The following ZBBX variants were observed in gnomAD, a reference collection of about 807,000 sequenced individuals.
ZBBX encodes the protein zinc finger B-box domain-containing protein 1.
In ZBBX, 101 loss-of-function variants were observed where a neutral mutation model predicts 108.5. The observed-to-expected ratio is 0.93, with a 90% CI of 0.79 to 1.10. The LOEUF (loss-of-function observed/expected upper bound fraction) is 1.10, where lower values mean the gene tolerates loss of function less well. Among genes scored for constraint, ZBBX ranks in the 50% least tolerant of loss-of-function variants. ZBBX has a pLI of 0.00. For missense variants in ZBBX, 1,009 were observed against 941.4 expected (o/e 1.07, Z -0.94); for synonymous variants, 356 against 323.4 (o/e 1.10, Z -1.08).
chr3:167,220,537 C>T, the ZBBX span, among the ~76,000 whole-genome samples: 1 of 151,912 alleles, frequency 6.6e-6, no homozygotes, highest in Non-Finnish European at 1.5e-5. Flanking sequence ...ATTCAACATC[C>T]CATTATGATG....
chr3:167,295,758 TA>T (rs60203051), intron 18 of ZBBX, among the ~76,000 whole-genome samples: 2 of 9,174 alleles, frequency 2.2e-4, no homozygotes, highest in African/African-American at 5.4e-4. Context: ...TATATATATA[TA>T]AAAAAAACTA....
At chr3:167,323,987 TA>T (rs1468769284) in intron 11 of ZBBX, among the ~76,000 whole-genome samples, 17 of 152,172 alleles carry the variant, frequency 1.1e-4, no homozygotes, top group African/African-American at 2.6e-4. Context: ...ACTAGAAAAC[TA>T]GAAATTTAAA....
Position 167,242,512 on chromosome 3 carries a change from C to T in ZBBX, c.2386G>A (p.Glu796Lys), listed in dbSNP as rs200202224. 24 of 1,600,560 alleles carry T rather than the reference C, an allele frequency of 1.5e-5. No homozygotes were observed. The African/African-American group carries it at 3.0e-4, about 20-fold the overall frequency. The change falls in exon 21 of 22, where the codon GAA (glutamate) becomes AAA (lysine). Residue 796 changes from glutamate to lysine, a missense_variant. By Grantham distance (56) the Glu-to-Lys change is moderately conservative. Transcript: ENST00000675490. ...SHVRGPCGVE[E>K]LSCSGRDTKI... ...ACTGCAGGCTTAACTTACCTCAATT[C>T]CTCAACTCCACAGGGACCCCTCACA...
intron 6 of ZBBX, among the ~76,000 whole-genome samples, chr3:167,361,948 T>A (rs1744587975): frequency 6.6e-6 from 1 of 152,174 alleles, no homozygotes; most frequent in Admixed American, 6.6e-5. Context: ...AATAATATTG[T>A]TCTGCTCTAT....
intron 1 of ZBBX, among the ~76,000 whole-genome samples, chr3:167,395,937 A>G (rs1006485044): frequency 5.3e-5 from 8 of 151,940 alleles, no homozygotes; most frequent in African/African-American, 1.9e-4. Context: ...CCTGGAGTCT[A>G]CTTTAAGGCT....
chr3:167,361,174 C>A (rs1744446429), intron 6 of ZBBX, among the ~76,000 whole-genome samples: 1 of 151,734 alleles, frequency 6.6e-6, no homozygotes, highest in Non-Finnish European at 1.5e-5. Flanking sequence ...TTTTATTTGC[C>A]CAATTTAGAG....
intron 11 of ZBBX, among the ~76,000 whole-genome samples, chr3:167,326,042 C>T (rs1737325922): frequency 6.6e-6 from 1 of 152,080 alleles, no homozygotes; most frequent in Non-Finnish European, 1.5e-5. Context: ...GGCAACATTT[C>T]TATATTTAGA....
At chr3:167,192,855 A>C in the ZBBX span, among the ~76,000 whole-genome samples, 1 of 152,178 alleles carries the variant, frequency 6.6e-6, no homozygotes, top group African/African-American at 2.4e-5. Flanking sequence ...ATTTCTTTGG[A>C]AAATGTTTGA....
rs779310485 is a variant in ZBBX at position 167,305,630 on chromosome 3, A to G, written c.1725+13T>C. 4 of 1,511,632 alleles carry G rather than the reference A, an allele frequency of 2.6e-6. No homozygotes were observed. In the Admixed American group the frequency reaches 6.9e-5, roughly 26 times the overall value. 93.6% of individuals were successfully genotyped at this position (1,511,632 alleles called of 1,614,324 possible). A position where few individuals can be genotyped will look rare whatever the true frequency, so the allele number is the denominator to read the frequency against. The stretch of plus-strand genomic sequence containing the variant: ...TATAAAATTTTAATATAATAAACAT[A>G]ATAGAGATTTACCAGTGATGACTTT... On this transcript the variant is annotated intron_variant, in intron 17 of 21. Transcript: ENST00000675490.
chr3:167,249,277 T>G (rs1416850636), intron 20 of ZBBX, among the ~76,000 whole-genome samples: 1 of 152,240 alleles, frequency 6.6e-6, no homozygotes, highest in Admixed American at 6.5e-5. Context: ...GCCCCATAAG[T>G]GTAGGCTTTC....
chr3:167,366,787 G>A (rs1430034261), intron 5 of ZBBX: 2 of 454,946 alleles, frequency 4.4e-6, no homozygotes, highest in South Asian at 3.1e-5. Context: ...CACTATCAGG[G>A]CTGATTCCAG....
chr3:167,394,931 T>G (rs906155401), intron 1 of ZBBX, among the ~76,000 whole-genome samples: 1 of 152,028 alleles, frequency 6.6e-6, no homozygotes, highest in Non-Finnish European at 1.5e-5. Context: ...AAGGACAAAT[T>G]AGATGAGTAA....
In ZBBX at chr3:167,346,797, CA is replaced by C. The variant is rs553581193; in HGVS notation, c.528+3622del. 9.0e-4 allele frequency among the ~76,000 whole-genome samples: 137 copies of C among 151,690 alleles called. 1 individual carries two copies. Among genetic ancestry groups the C allele is most frequent in the African/African-American group, 3.3e-3 (137 of 41,396 alleles). On this transcript the variant is annotated intron_variant, in intron 9 of 21. Coordinates refer to ENST00000675490, the MANE Select transcript of ZBBX (RefSeq NM_001199201.2). ...CAAAGCCAAAGCACAACAACAACAACAAAAACTTTATGCATAGGAAAATGAT... is the reference window on the plus strand; with the variant it reads ...CAAAGCCAAAGCACAACAACAACAACAAAACTTTATGCATAGGAAAATGAT...
chr3:167,193,973 A>G, the ZBBX span, among the ~76,000 whole-genome samples: 4 of 152,178 alleles, frequency 2.6e-5, 1 homozygote, highest in African/African-American at 9.6e-5. Flanking sequence ...AGAAGTTAGA[A>G]AGGTTGGGGG....
chr3:167,275,757 C>T (rs1246699445), intron 20 of ZBBX, among the ~76,000 whole-genome samples: 1 of 152,200 alleles, frequency 6.6e-6, no homozygotes, highest in Admixed American at 6.5e-5. Context: ...CCCAGAAGCT[C>T]GAACTGGGTG....
At chr3:167,330,764 G>A (rs906637051) in intron 10 of ZBBX, among the ~76,000 whole-genome samples, 1 of 129,152 alleles carries the variant, frequency 7.7e-6, no homozygotes, top group Non-Finnish European at 1.6e-5. Flanking sequence ...ACATGAAGAA[G>A]AAGAAAAGAA....
At chr3:167,362,955 C>A (rs1744761302) in intron 6 of ZBBX, among the ~76,000 whole-genome samples, 1 of 151,866 alleles carries the variant, frequency 6.6e-6, no homozygotes, top group South Asian at 2.1e-4. Context: ...GACTTCAATG[C>A]ACATGTTCAC....
chr3:167,210,281 C>T, the ZBBX span, among the ~76,000 whole-genome samples: 178 of 151,952 alleles, frequency 1.2e-3, 1 homozygote, highest in Non-Finnish European at 1.8e-3. Context: ...GCATCAGCAT[C>T]CCTCACCAGC....
At chr3:167,259,149 G>C (rs1291625045) in intron 20 of ZBBX, among the ~76,000 whole-genome samples, 1 of 152,034 alleles carries the variant, frequency 6.6e-6, no homozygotes, top group Non-Finnish European at 1.5e-5. Context: ...CAATCTCACT[G>C]CTTGTTATTG....
Sources: allele counts gnomAD v4.1 joint callset (sites outside exome capture counted in the v4.1 genomes callset), GRCh38; gene constraint gnomAD v4.1.1; transcripts MANE v1.5; gene names NCBI Gene and HGNC (gene_info 2026-07-23, HGNC 2026-07-21).